DENND1B: variants seen among roughly 807,000 people sequenced by gnomAD.
DENND1B encodes DENN domain containing 1B, also known as DENN domain-containing protein 1B.
In DENND1B, 59 loss-of-function variants were observed where a neutral mutation model predicts 90.1. The ratio of observed to expected loss-of-function variants is 0.65; its 90% confidence interval spans 0.53 to 0.81. The LOEUF (loss-of-function observed/expected upper bound fraction) is 0.81. Ranked by LOEUF, DENND1B falls within the 40% of genes least tolerant of loss-of-function variation. DENND1B has a pLI of 0.00. For synonymous variants in DENND1B, 337 were observed against 324.6 expected (o/e 1.04, Z -0.41); for missense variants, 862 against 912.6 (o/e 0.94, Z 0.71).
rs765730218 is a variant in DENND1B at position 197,642,725 on chromosome 1, T to C, written c.658A>G (p.Ser220Gly). 8 of 1,612,968 alleles carry C rather than the reference T, an allele frequency of 5.0e-6. No homozygotes were observed. The highest frequency in any genetic ancestry group is 6.8e-6 in the Non-Finnish European group (8 of 1,179,488). The part of the protein sequence containing the change: ...LHERRIVIIS[S>G]KLSTLTACIH... ...GAAGTACTTACAGTGCTTAATTTGC[T>C]CGAGATAATCACGATGCGCCTTTCA... Residue 220 changes from serine (S) to glycine (G), a missense_variant, in exon 10 of 23, where the codon AGC (serine) becomes GGC (glycine). Transcript: ENST00000620048.
At chr1:197,552,467 T>C in intron 16 of DENND1B, 1 of 985,408 alleles carries the variant, frequency 1.0e-6, no homozygotes, top group South Asian at 4.7e-5. Context: ...TATTTGAACA[T>C]TTACACTAGA....
chr1:197,548,003 T>C (rs893953497), intron 16 of DENND1B, among the ~76,000 whole-genome samples: 5 of 152,220 alleles, frequency 3.3e-5, no homozygotes, highest in Non-Finnish European at 7.4e-5. Flanking sequence ...TTTTAATTAT[T>C]TTCCCAAAAT....
At chr1:197,677,024 G>A (rs573191089) in intron 3 of DENND1B, among the ~76,000 whole-genome samples, 4 of 152,066 alleles carry the variant, frequency 2.6e-5, no homozygotes, top group South Asian at 2.1e-4. Context: ...AAACACTAAC[G>A]TTTACATCTT....
At chr1:197,658,737 A>G (rs1228868909) in intron 5 of DENND1B, among the ~76,000 whole-genome samples, 1 of 151,364 alleles carries the variant, frequency 6.6e-6, no homozygotes, top group Non-Finnish European at 1.5e-5. Flanking sequence ...TATCAAAAAT[A>G]TCTCCTTTTA....
intron 6 of DENND1B, among the ~76,000 whole-genome samples, chr1:197,657,186 A>G (rs1376057347): frequency 2.6e-5 from 4 of 152,226 alleles, no homozygotes; most frequent in Non-Finnish European, 5.9e-5. Flanking sequence ...TAAGAAATGA[A>G]TATTTGAATA....
At chr1:197,604,033 A>G in intron 13 of DENND1B, among the ~76,000 whole-genome samples, 1 of 151,244 alleles carries the variant, frequency 6.6e-6, no homozygotes, top group Non-Finnish European at 1.5e-5. Context: ...AAACTATACT[A>G]CAGATGTTTG....
At chr1:197,516,388 G>C (rs1053237578) in intron 20 of DENND1B, among the ~76,000 whole-genome samples, 3 of 151,760 alleles carry the variant, frequency 2.0e-5, no homozygotes, top group African/African-American at 7.2e-5. Flanking sequence ...TCAATTGCTT[G>C]ATGACTTCTA....
Position 197,752,604 on chromosome 1 carries a change from A to G in DENND1B, c.82+20264T>C, listed in dbSNP as rs117813747. Among the ~76,000 whole-genome samples, 104 of 152,176 alleles carry G rather than the reference A, an allele frequency of 6.8e-4. No individual in the cohort carries two copies. In the East Asian group the frequency reaches 0.02, roughly 29 times the overall value. ...CCTGAGTTTAGTAGCTCTTTGGCAA[A>G]AACACCAAAATAGAAATTTTTTTCA... On this transcript the variant is annotated intron_variant, in intron 2 of 22. Transcript: ENST00000620048.
chr1:197,622,903 G>T (rs1678303656), intron 10 of DENND1B, among the ~76,000 whole-genome samples: 1 of 150,680 alleles, frequency 6.6e-6, no homozygotes, highest in African/African-American at 2.4e-5. Flanking sequence ...TTTTGAGGGA[G>T]GAGAAAAAGA....
intron 3 of DENND1B, among the ~76,000 whole-genome samples, chr1:197,686,142 A>C (rs1657212485): frequency 6.6e-6 from 1 of 152,172 alleles, no homozygotes; most frequent in Non-Finnish European, 1.5e-5. Context: ...TCTCTTACAG[A>C]GGATTTTACT....
At chr1:197,675,293 T>C (rs1655941208) in intron 3 of DENND1B, among the ~76,000 whole-genome samples, 1 of 152,118 alleles carries the variant, frequency 6.6e-6, no homozygotes, top group Admixed American at 6.6e-5. Context: ...GCATTGAGTG[T>C]TTTAAAGTAG....
Position 197,742,111 on chromosome 1 carries a change from G to A in DENND1B, c.83-27037C>T, listed in dbSNP as rs16841913. Among the ~76,000 whole-genome samples, 1,317 of 152,176 alleles carry A rather than the reference G, an allele frequency of 8.7e-3. 16 individuals are homozygous for A. The highest frequency in any genetic ancestry group is 0.031 in the African/African-American group (1,268 of 41,542). The stretch of plus-strand genomic sequence containing the variant: ...AATGGCACTATTTCAAGTCTTGGTC[G>A]ATACCATCTAACATAGCAATCTAAT... On this transcript the variant is annotated intron_variant, in intron 2 of 22. Transcript: ENST00000620048.
intron 14 of DENND1B, among the ~76,000 whole-genome samples, chr1:197,588,921 ATTATT>A (rs1674946359): frequency 1.3e-5 from 2 of 152,086 alleles, no homozygotes; most frequent in Non-Finnish European, 2.9e-5. Context: ...ATTTGTACAT[ATTATT>A]TTATTACTTT....
intron 18 of DENND1B, 56 bp from the exon 19 acceptor site, chr1:197,541,071 A>G (rs1018946494): frequency 6.9e-7 from 1 of 1,445,826 alleles, no homozygotes; most frequent in African/African-American, 1.4e-5. Flanking sequence ...CCATTTAAAG[A>G]ATAAGTATAC....
At chr1:197,679,197 A>G (rs949159634) in intron 3 of DENND1B, among the ~76,000 whole-genome samples, 1 of 151,936 alleles carries the variant, frequency 6.6e-6, no homozygotes, top group South Asian at 2.1e-4. Context: ...TTCTATGTGC[A>G]TAAGTCTTAG....
chr1:197,605,130 T>C (rs1197956174), intron 13 of DENND1B, among the ~76,000 whole-genome samples: 1 of 150,970 alleles, frequency 6.6e-6, no homozygotes, highest in Non-Finnish European at 1.5e-5. Context: ...TTTTTATCTA[T>C]ATTTTTAAAT....
rs1427964476 is a variant in DENND1B at position 197,509,241 on chromosome 1, C to T, written c.*1219G>A. 6.6e-6 allele frequency: 1 copy of T among 151,854 alleles called. No individual in the cohort carries two copies. Among genetic ancestry groups the T allele is most frequent in the South Asian group, 2.1e-4 (1 of 4,824 alleles). 9.4% of individuals were successfully genotyped at this position (151,854 alleles called of 1,614,324 possible). A position where few individuals can be genotyped will look rare whatever the true frequency, so the allele number is the denominator to read the frequency against. On this transcript the variant is annotated 3_prime_UTR_variant, in exon 23 of 23. Coordinates refer to ENST00000620048, the MANE Select transcript of DENND1B (RefSeq NM_001195215.2). ...AAGAGAGGAGCATGCTACAATTTATCTGACAGTACTCTTCAAAGCTGTCAA... is the reference window on the plus strand; with the variant it reads ...AAGAGAGGAGCATGCTACAATTTATTTGACAGTACTCTTCAAAGCTGTCAA...
At chr1:197,643,061 T>C (rs937065799) in intron 9 of DENND1B, among the ~76,000 whole-genome samples, 6 of 152,136 alleles carry the variant, frequency 3.9e-5, no homozygotes, top group Admixed American at 1.3e-4. Flanking sequence ...AGATCACAGA[T>C]TTCCCAACTT....
At chr1:197,686,816 G>C (rs1371833657) in intron 3 of DENND1B, among the ~76,000 whole-genome samples, 1 of 150,640 alleles carries the variant, frequency 6.6e-6, no homozygotes, top group South Asian at 2.1e-4. Flanking sequence ...TCTGGACTCT[G>C]TATTCAGCTC....
Sources: allele counts gnomAD v4.1 joint callset (sites outside exome capture counted in the v4.1 genomes callset), GRCh38; gene constraint gnomAD v4.1.1; transcripts MANE v1.5; gene names NCBI Gene and HGNC (gene_info 2026-07-23, HGNC 2026-07-21).